CSMD3: variants seen among roughly 807,000 people sequenced by gnomAD.
The protein encoded by CSMD3 is CUB and sushi domain-containing protein 3.
Under a neutral mutation model 435.2 loss-of-function variants are expected in CSMD3, and 177 were observed. That is an observed-to-expected ratio of 0.41 (90% confidence interval 0.36 to 0.46). The LOEUF is 0.46. Among genes scored for constraint, CSMD3 ranks in the 20% least tolerant of loss-of-function variants. The pLI, the probability that CSMD3 is intolerant of heterozygous loss-of-function variation, is 0.34. For synonymous variants in CSMD3, 1,656 were observed against 1,520.5 expected, an observed-to-expected ratio of 1.09 and a Z score of -2.07; for missense variants, 4,265 against 4,504.6, an observed-to-expected ratio of 0.95 and a Z score of 1.52.
intron 11 of CSMD3, among the ~76,000 whole-genome samples, chr8:112,851,719 G>A (rs911665141): frequency 3.3e-5 from 5 of 151,486 alleles, no homozygotes; most frequent in South Asian, 2.1e-4. Context: ...AGCTGAGATC[G>A]TGCCATTACA....
chr8:113,304,914 T>TTA (rs1360558466), intron 2 of CSMD3, among the ~76,000 whole-genome samples: 22 of 119,644 alleles, frequency 1.8e-4, no homozygotes, highest in East Asian at 5.3e-4. Flanking sequence ...TAAAGTATAA[T>TTA]AAAAAAAAAA....
chr8:112,730,468 T>A (rs2077052005), intron 13 of CSMD3, among the ~76,000 whole-genome samples: 1 of 152,186 alleles, frequency 6.6e-6, no homozygotes, highest in Non-Finnish European at 1.5e-5. Context: ...TCATATGCAC[T>A]GTCTTCATCT....
intron 59 of CSMD3, among the ~76,000 whole-genome samples, chr8:112,272,668 C>T (rs1217319986): frequency 6.6e-6 from 1 of 152,034 alleles, no homozygotes; most frequent in Non-Finnish European, 1.5e-5. Flanking sequence ...GAGTCTAGGA[C>T]AATTCCCAAA....
intron 60 of CSMD3, among the ~76,000 whole-genome samples, 179 bp from the exon 61 acceptor site, chr8:112,263,991 C>T (rs756293167): frequency 5.9e-5 from 9 of 152,150 alleles, no homozygotes; most frequent in Non-Finnish European, 1.0e-4. Context: ...TTAATCCCTG[C>T]AGGATGCAAC....
chr8:113,198,750 C>T (rs1051733261), intron 3 of CSMD3, among the ~76,000 whole-genome samples: 5 of 151,138 alleles, frequency 3.3e-5, no homozygotes, highest in Non-Finnish European at 7.4e-5. Context: ...AGTAACCTTA[C>T]TGAAGCTCTC....
intron 28 of CSMD3, among the ~76,000 whole-genome samples, chr8:112,515,040 G>A (rs1180591903): frequency 3.3e-5 from 5 of 151,550 alleles, no homozygotes; most frequent in African/African-American, 1.2e-4. Context: ...GTAAGACTTA[G>A]TACTCAGCTT....
intron 3 of CSMD3, among the ~76,000 whole-genome samples, chr8:113,243,143 G>A (rs1231352992): frequency 6.6e-6 from 1 of 151,636 alleles, no homozygotes; most frequent in Non-Finnish European, 1.5e-5. Flanking sequence ...TAATATTTAT[G>A]AAATATATAT....
intron 16 of CSMD3, among the ~76,000 whole-genome samples, chr8:112,667,507 A>C (rs1157070543): frequency 6.6e-6 from 1 of 152,122 alleles, no homozygotes; most frequent in Non-Finnish European, 1.5e-5. Context: ...CATTTACACT[A>C]TTCTCCATGC....
At chr8:112,537,517 T>C (rs1192854989) in intron 27 of CSMD3, among the ~76,000 whole-genome samples, 1 of 151,816 alleles carries the variant, frequency 6.6e-6, no homozygotes, top group East Asian at 1.9e-4. Flanking sequence ...GAGAGAAGCC[T>C]CAGGTAAAAA....
chr8:112,742,127 C>G (rs751615521), intron 13 of CSMD3, among the ~76,000 whole-genome samples: 4 of 151,528 alleles, frequency 2.6e-5, no homozygotes, highest in Non-Finnish European at 5.9e-5. Flanking sequence ...CCCCTCCGCA[C>G]TCATCTCTCA....
rs190951602 is a variant in CSMD3, at chr8:113,278,485, T to G, written c.514+107A>C. On this transcript the variant is annotated intron_variant, in intron 3 of 70. Coordinates refer to ENST00000297405, the MANE Select transcript of CSMD3 (RefSeq NM_198123.2). The stretch of plus-strand genomic sequence containing the variant: ...AACAAGATAAATTTCAGGACAAGAT[T>G]TGAGACAACATGATGTTGTCTCAAA... The G allele has an allele frequency of 1.4e-3, 961 of 694,416 alleles. 16 individuals carry two copies. The Admixed American group carries it at 0.018, about 13-fold the overall frequency. 43.0% of individuals were successfully genotyped at this position (694,416 alleles called of 1,614,324 possible). A position where few individuals can be genotyped will look rare whatever the true frequency, so the allele number is the denominator to read the frequency against.
At chr8:112,714,016 A>G (rs145248426) in intron 13 of CSMD3, among the ~76,000 whole-genome samples, 1 of 152,320 alleles carries the variant, frequency 6.6e-6, no homozygotes, top group African/African-American at 2.4e-5. Context: ...TGCATCAACT[A>G]GTGGGCAAAA....
chr8:113,275,455 A>C (rs893269102), intron 3 of CSMD3, among the ~76,000 whole-genome samples: 4 of 152,088 alleles, frequency 2.6e-5, no homozygotes, highest in African/African-American at 9.7e-5. Flanking sequence ...AGAATATGTA[A>C]GTGGGGCCAA....
At chr8:112,584,567 A>T (rs1022932942) in intron 23 of CSMD3, among the ~76,000 whole-genome samples, 1 of 151,736 alleles carries the variant, frequency 6.6e-6, no homozygotes, top group African/African-American at 2.4e-5. Context: ...TATTGTTGTT[A>T]TTGTTATTTT....
chr8:112,534,812 C>A lies in CSMD3; in HGVS notation c.4564+15859G>T, dbSNP rs555184937. On this transcript the variant is annotated intron_variant, in intron 27 of 70. Coordinates refer to ENST00000297405, the MANE Select transcript of CSMD3 (RefSeq NM_198123.2). ...TACTGGCAAACCGAATCCAGCAGCA[C>A]ATCAAAAAGTTTATCCACCATGATC... Among the ~76,000 whole-genome samples the A allele has an allele frequency of 1.7e-3, 258 of 152,124 alleles. 1 individual carries two copies. The highest frequency in any genetic ancestry group is 2.6e-3 in the Non-Finnish European group (177 of 67,994).
chr8:112,912,572 T>C (rs1217147513), intron 10 of CSMD3, among the ~76,000 whole-genome samples: 2 of 151,918 alleles, frequency 1.3e-5, no homozygotes, highest in African/African-American at 4.8e-5. Context: ...TTCAAATGGA[T>C]TAAATAGTTA....
At chr8:113,188,069 C>G (rs903502516) in intron 3 of CSMD3, among the ~76,000 whole-genome samples, 3 of 151,976 alleles carry the variant, frequency 2.0e-5, no homozygotes, top group Non-Finnish European at 4.4e-5. Flanking sequence ...CTCCATAAAG[C>G]CTTTCCAAAC....
intron 13 of CSMD3, among the ~76,000 whole-genome samples, chr8:112,755,496 A>T (rs1475183364): frequency 6.6e-6 from 1 of 151,500 alleles, no homozygotes; most frequent in East Asian, 1.9e-4. Flanking sequence ...TTGAAGAAGG[A>T]CAAGTTTGCT....
intron 45 of CSMD3, among the ~76,000 whole-genome samples, chr8:112,324,028 C>T (rs1006242464): frequency 2.6e-5 from 4 of 151,904 alleles, no homozygotes; most frequent in South Asian, 2.1e-4. Context: ...ATAAATAAAC[C>T]TCATTTTGAA....
Sources: gnomAD v4.1 joint callset for allele counts (sites outside exome capture counted in the v4.1 genomes callset) on GRCh38, gnomAD v4.1.1 for gene constraint, MANE v1.5 for transcripts, NCBI Gene and HGNC (gene_info 2026-07-23, HGNC 2026-07-21) for gene names.